Variants in ZNF503 observed in about 807,000 individuals in gnomAD.
ZNF503 encodes zinc finger protein 503, also known as NocA-like zinc finger 2.
A neutral mutation model predicts 34.4 loss-of-function variants in ZNF503; 15 were observed. That is an observed-to-expected ratio of 0.44 (90% CI 0.29 to 0.67). The LOEUF (loss-of-function observed/expected upper bound fraction) is 0.67. ZNF503 is among the 30% of genes least tolerant of loss of function. ZNF503 has a pLI of 0.13. For missense variants in ZNF503, 1,007 were observed against 926.8 expected (o/e 1.09, Z -1.12); for synonymous variants, 580 against 456.8 (o/e 1.27, Z -3.44).
chr10:75,301,465 T>C, the ZNF503 span, among the ~76,000 whole-genome samples: 1 of 152,134 alleles, frequency 6.6e-6, no homozygotes, highest in Non-Finnish European at 1.5e-5. Context: ...GGTCTCAGAC[T>C]CCTGAGCTCA....
At chr10:75,368,870 A>C in the ZNF503 span, among the ~76,000 whole-genome samples, 1 of 152,248 alleles carries the variant, frequency 6.6e-6, no homozygotes, top group African/African-American at 2.4e-5. Flanking sequence ...CTCCATACAA[A>C]GTGATTCTTT....
chr10:75,353,232 T>A, the ZNF503 span, among the ~76,000 whole-genome samples: 6 of 152,198 alleles, frequency 3.9e-5, no homozygotes, highest in African/African-American at 1.2e-4. Flanking sequence ...CAGGGCTAGC[T>A]TTTTTCCAGC....
chr10:75,297,767 G>A, the ZNF503 span, among the ~76,000 whole-genome samples: 2 of 152,186 alleles, frequency 1.3e-5, no homozygotes, highest in African/African-American at 4.8e-5. Context: ...TATCACAAAA[G>A]TACAGCTCAA....
At chr10:75,391,018 A>G in the ZNF503 span, among the ~76,000 whole-genome samples, 1 of 152,196 alleles carries the variant, frequency 6.6e-6, no homozygotes, top group African/African-American at 2.4e-5. Flanking sequence ...GAAGGCCACA[A>G]ATCCTCCCAG....
At chr10:75,285,393 CCTTGGTCTG>C in the ZNF503 span, among the ~76,000 whole-genome samples, 1 of 152,206 alleles carries the variant, frequency 6.6e-6, no homozygotes, top group Non-Finnish European at 1.5e-5. Context: ...GACATTGGTG[CCTTGGTCTG>C]CTTGGCAGCA....
At chr10:75,392,370 T>A in the ZNF503 span, among the ~76,000 whole-genome samples, 1 of 152,198 alleles carries the variant, frequency 6.6e-6, no homozygotes, top group East Asian at 1.9e-4. Flanking sequence ...CCTGGTACAG[T>A]GACCTTTATA....
At chr10:75,365,485 C>A in the ZNF503 span, among the ~76,000 whole-genome samples, 1 of 152,138 alleles carries the variant, frequency 6.6e-6, no homozygotes, top group South Asian at 2.1e-4. Flanking sequence ...GAGAAATGAT[C>A]GGATTCAAGC....
the ZNF503 span, among the ~76,000 whole-genome samples, chr10:75,286,061 T>A: frequency 1.3e-5 from 2 of 152,058 alleles, no homozygotes; most frequent in Non-Finnish European, 2.9e-5. Flanking sequence ...GGCAGGTGGA[T>A]CACTTGAGGT....
At chr10:75,355,098 GC>G in the ZNF503 span, among the ~76,000 whole-genome samples, 1 of 152,104 alleles carries the variant, frequency 6.6e-6, no homozygotes, top group Non-Finnish European at 1.5e-5. Flanking sequence ...GCCCGCCTTG[GC>G]CCCCCAAAGT....
the ZNF503 span, among the ~76,000 whole-genome samples, chr10:75,347,418 G>A: frequency 6.6e-6 from 1 of 152,232 alleles, no homozygotes; most frequent in Non-Finnish European, 1.5e-5. Context: ...AGCCCGAGAA[G>A]TGTGGAGTCA....
downstream of ZNF503, among the ~76,000 whole-genome samples, chr10:75,395,083 C>G (rs1041373856): frequency 1.1e-4 from 16 of 152,160 alleles, no homozygotes; most frequent in African/African-American, 3.6e-4. This position sits in a 1 kb window ranked among gnomAD's most constrained non-coding sequence, Gnocchi z 4.4. Flanking sequence ...ATGAGCAGCC[C>G]TTGGCAAGGA....
chr10:75,294,145 A>T, the ZNF503 span, among the ~76,000 whole-genome samples: 73 of 152,334 alleles, frequency 4.8e-4, no homozygotes, highest in Admixed American at 1.5e-3. Context: ...GAAGTGGGTG[A>T]GAGTCCATCC....
At chr10:75,317,638 G>T in the ZNF503 span, among the ~76,000 whole-genome samples, 1 of 152,092 alleles carries the variant, frequency 6.6e-6, no homozygotes, top group Non-Finnish European at 1.5e-5. Context: ...AAGTTTTGGA[G>T]ATGACAGAGG....
In ZNF503 at chr10:75,401,235, G is replaced by A. The variant is rs764069684; in HGVS notation, c.185C>T (p.Pro62Leu). The A allele has an allele frequency of 4.4e-6, 7 of 1,608,168 alleles. No homozygotes were observed. Among genetic ancestry groups the A allele is most frequent in the African/African-American group, 2.7e-5 (2 of 74,906 alleles). ...STKPFVHAVP[P>L]SDPLRQANRL... ...GTTGGCCTGGCGCAGGGGGTCAGAG[G>A]GGGGCACGGCGTGCACAAAAGGCTT... is the stretch of plus-strand genomic sequence containing the variant. Residue 62 changes from proline to leucine, a missense_variant, in exon 1 of 2, where the codon CCC becomes CTC. By Grantham distance (98) the Pro-to-Leu change is moderately conservative. Coordinates refer to ENST00000372524, the MANE Select transcript of ZNF503 (RefSeq NM_032772.6).
chr10:75,396,638 AGG>A (rs1451778694), downstream of ZNF503, among the ~76,000 whole-genome samples: 1 of 152,092 alleles, frequency 6.6e-6, no homozygotes, highest in Non-Finnish European at 1.5e-5. The surrounding 1 kb of genome is among the most constrained non-coding windows in gnomAD (Gnocchi z 4.4). Flanking sequence ...CTGAGCGCCG[AGG>A]GGATCCCGAG....
At chr10:75,310,159 C>T in the ZNF503 span, among the ~76,000 whole-genome samples, 9 of 152,236 alleles carry the variant, frequency 5.9e-5, no homozygotes, top group South Asian at 6.2e-4. Flanking sequence ...TAGAGGAATA[C>T]GAAGTAGGCT....
At position 75,398,669 on chromosome 10, in the gene ZNF503, C is replaced by A; in HGVS notation, c.*80G>T. 8 of 1,264,410 alleles carry A rather than the reference C, an allele frequency of 6.3e-6. No homozygotes were observed. Among genetic ancestry groups the A allele is most frequent in the Non-Finnish European group, 8.0e-6 (8 of 995,348 alleles). 78.3% of individuals were successfully genotyped at this position (1,264,410 alleles called of 1,614,324 possible). ...CTCCCCACGCGCGGGTGTCAGCAGC[C>A]TGGGCCGTGATCCCGCCTCTCCCTG... On this transcript the variant is annotated 3_prime_UTR_variant, in exon 2 of 2. Transcript: ENST00000372524.
At chr10:75,317,626 A>G in the ZNF503 span, among the ~76,000 whole-genome samples, 4 of 152,144 alleles carry the variant, frequency 2.6e-5, no homozygotes, top group Admixed American at 6.5e-5. Context: ...AAATTTCAAC[A>G]TAAGTTTTGG....
the ZNF503 span, among the ~76,000 whole-genome samples, chr10:75,329,415 T>C: frequency 7.3e-3 from 659 of 90,334 alleles, 7 homozygotes; most frequent in African/African-American, 0.026. Context: ...CCTTCCTTCC[T>C]TTCCTTCCTT....
Sources: allele counts gnomAD v4.1 joint callset (sites outside exome capture counted in the v4.1 genomes callset), GRCh38; gene constraint gnomAD v4.1.1; non-coding constraint Gnocchi (gnomAD v3.1); transcripts MANE v1.5; gene names NCBI Gene and HGNC (gene_info 2026-07-23, HGNC 2026-07-21).